The following GPR19 variants were observed in gnomAD, a reference collection of about 807,000 sequenced individuals.
GPR19 encodes the protein probable G protein-coupled receptor 19.
Under a neutral mutation model 28.5 loss-of-function variants are expected in GPR19, and 14 were observed. The ratio of observed to expected loss-of-function variants is 0.49; its 90% CI spans 0.32 to 0.77. The LOEUF is 0.77. GPR19 is among the 30% of genes least tolerant of loss of function. The probability of loss-of-function intolerance (pLI) is 0.03; values close to 1 mark genes in which losing one functional copy is unlikely to be tolerated. For missense variants in GPR19, 409 were observed against 504.1 expected (o/e 0.81, Z 1.81); for synonymous variants, 173 against 184.1 (o/e 0.94, Z 0.49).
At chr12:12,671,275 C>A in intron 3 of GPR19, among the ~76,000 whole-genome samples, 1 of 148,822 alleles carries the variant, frequency 6.7e-6, no homozygotes, top group African/African-American at 2.5e-5. Context: ...CACTGCACTC[C>A]AACCCAGACA....
chr12:12,678,507 T>C (rs1022619393), intron 3 of GPR19, among the ~76,000 whole-genome samples: 8 of 152,170 alleles, frequency 5.3e-5, no homozygotes, highest in African/African-American at 1.4e-4. Flanking sequence ...GCACTTATTC[T>C]CTCTGCTGGG....
At chr12:12,696,591 T>G (rs892527988), upstream of GPR19, among the ~76,000 whole-genome samples, 2 of 152,208 alleles carry the variant, frequency 1.3e-5, no homozygotes, top group Non-Finnish European at 1.5e-5. Flanking sequence ...AGCCAGTTTA[T>G]CACCTTGGAA....
In GPR19 at chr12:12,660,966, CTAATA is replaced by C; in HGVS notation, c.*230_*234del. The C allele has an allele frequency of 2.5e-6, 1 of 407,096 alleles. No individual in the cohort carries two copies. The highest frequency in any genetic ancestry group is 4.3e-6 in the Non-Finnish European group (1 of 230,928). The allele number at this position is 407,096 out of a possible 1,614,324, so 25.2% of individuals were successfully genotyped here. On this transcript the variant is annotated 3_prime_UTR_variant, in exon 4 of 4. Coordinates refer to ENST00000651487, the MANE Select transcript of GPR19 (RefSeq NM_006143.3). ...AGCATTTTCTTTTTTATGCATGTAA[CTAATA>C]TATTAATAGTAAAAGGACTGTTGGC...
At chr12:12,683,677 T>G (rs1228272683) in intron 3 of GPR19, among the ~76,000 whole-genome samples, 2 of 152,182 alleles carry the variant, frequency 1.3e-5, no homozygotes, top group Non-Finnish European at 2.9e-5. Flanking sequence ...AAAATAAAAT[T>G]TAAAGGGGCT....
At chr12:12,713,814 G>C in the GPR19 span, among the ~76,000 whole-genome samples, 386 of 152,316 alleles carry the variant, frequency 2.5e-3, 1 homozygote, top group Non-Finnish European at 4.6e-3. Flanking sequence ...TTACAGGTGT[G>C]AGCCACTGCA....
chr12:12,716,087 G>A, the GPR19 span, among the ~76,000 whole-genome samples: 1 of 152,194 alleles, frequency 6.6e-6, no homozygotes, highest in African/African-American at 2.4e-5. Context: ...GATCCACTGA[G>A]CTTTGTCTCA....
chr12:12,697,153 T>TAAAGAAAAAAAAAAA (rs1946277486), upstream of GPR19, among the ~76,000 whole-genome samples: 1 of 48,846 alleles, frequency 2.0e-5, no homozygotes, highest in Non-Finnish European at 3.6e-5. Context: ...TGAAGCGAAG[T>TAAAGAAAAAAAAAAA]AAAAAAAAAA....
chr12:12,708,295 G>C, the GPR19 span, among the ~76,000 whole-genome samples: 1 of 151,840 alleles, frequency 6.6e-6, no homozygotes, highest in African/African-American at 2.4e-5. Context: ...TGGTAAACTT[G>C]CATTAGTTCA....
At chr12:12,671,305 C>CAA (rs71061102) in intron 3 of GPR19, among the ~76,000 whole-genome samples, 42,602 of 145,996 alleles carry the variant, frequency 0.29, 7,250 homozygotes, top group Non-Finnish European at 0.39. Flanking sequence ...GACTCCCTCT[C>CAA]AAAAAAAAAA....
At chr12:12,668,675 G>A in intron 3 of GPR19, among the ~76,000 whole-genome samples, 1 of 111,024 alleles carries the variant, frequency 9.0e-6, no homozygotes. Context: ...TACATGATTT[G>A]GTTGAAAAAA....
chr12:12,680,609 C>T (rs1466259002), intron 3 of GPR19, among the ~76,000 whole-genome samples: 4 of 152,176 alleles, frequency 2.6e-5, no homozygotes, highest in Non-Finnish European at 5.9e-5. Context: ...CAGGCCCATG[C>T]AATCTTCCTA....
the GPR19 span, among the ~76,000 whole-genome samples, chr12:12,714,368 G>A: frequency 6.6e-6 from 1 of 152,216 alleles, no homozygotes; most frequent in East Asian, 1.9e-4. Context: ...CAGAACTTGG[G>A]TGAGAGCGCT....
chr12:12,668,249 T>A (rs554166439), intron 3 of GPR19, among the ~76,000 whole-genome samples: 1 of 152,368 alleles, frequency 6.6e-6, no homozygotes, highest in South Asian at 2.1e-4. Context: ...ATTCTTCAAA[T>A]GCTCTTGGAA....
intron 3 of GPR19, among the ~76,000 whole-genome samples, chr12:12,668,126 AAAT>A (rs1423771280): frequency 2.6e-5 from 4 of 152,200 alleles, no homozygotes; most frequent in African/African-American, 9.7e-5. Context: ...TTCTAGCAGA[AAAT>A]AATAACCCCA....
At chr12:12,699,817 C>T (rs916306423), upstream of GPR19, among the ~76,000 whole-genome samples, 2 of 152,196 alleles carry the variant, frequency 1.3e-5, no homozygotes, top group Non-Finnish European at 2.9e-5. Context: ...ATTCCATTTA[C>T]ATCTCTGATA....
chr12:12,687,091 G>A (rs928316561), intron 2 of GPR19, among the ~76,000 whole-genome samples: 4 of 152,170 alleles, frequency 2.6e-5, no homozygotes, highest in African/African-American at 7.2e-5. Flanking sequence ...CACAATACTT[G>A]TGCAACTGGG....
intron 3 of GPR19, among the ~76,000 whole-genome samples, chr12:12,668,184 G>A (rs1306814412): frequency 6.6e-6 from 1 of 152,160 alleles, no homozygotes; most frequent in Non-Finnish European, 1.5e-5. Context: ...CCAGTTTAGT[G>A]TTTACCTAGC....
rs199998459 is a variant in GPR19, at chr12:12,662,474, G to C, written c.-22-4C>G. The C allele has an allele frequency of 8.3e-5, 133 of 1,603,436 alleles. No homozygotes were observed. The East Asian group carries it at 3.0e-3, about 36-fold the overall frequency. On this transcript the variant is annotated splice_region_variant and splice_polypyrimidine_tract_variant and intron_variant, in intron 3 of 3. Transcript: ENST00000651487. Reference sequence around the variant, plus strand: ...ATTCACTTTTTTTCTCTTAATTCTGGTTGGGGAAAAGAAGAATGAGGCCTC... The same window carrying C: ...ATTCACTTTTTTTCTCTTAATTCTGCTTGGGGAAAAGAAGAATGAGGCCTC...
chr12:12,689,223 T>C lies in GPR19; in HGVS notation c.-179-4716A>G, dbSNP rs911676945. On this transcript the variant is annotated intron_variant, in intron 2 of 3. Transcript: ENST00000651487. ...ACAGCACCAAGACATGAGGGATCTG[T>C]CCCACGACCCAAACACCTCCCACCA... Among the ~76,000 whole-genome samples the C allele has an allele frequency of 7.9e-5, 12 of 152,170 alleles. No individual in the cohort carries two copies. In the South Asian group the frequency reaches 2.1e-3, roughly 26 times the overall value.
Sources: gnomAD v4.1 joint callset for allele counts (sites outside exome capture counted in the v4.1 genomes callset) on GRCh38, gnomAD v4.1.1 for gene constraint, MANE v1.5 for transcripts, NCBI Gene and HGNC (gene_info 2026-07-23, HGNC 2026-07-21) for gene names.